The following ITGA11 variants were observed in gnomAD, a reference collection of about 807,000 sequenced individuals.
ITGA11 encodes the protein integrin alpha-11.
Under a neutral mutation model 141.9 loss-of-function variants are expected in ITGA11, and 97 were observed. The observed-to-expected ratio is 0.68, with a 90% CI of 0.58 to 0.81. The LOEUF (loss-of-function observed/expected upper bound fraction) is 0.81, where lower values mean the gene tolerates loss of function less well. Among genes scored for constraint, ITGA11 ranks in the 30% least tolerant of loss-of-function variants. The pLI is 0.00. For synonymous variants in ITGA11, 658 were observed against 624.6 expected (o/e 1.05, Z -0.80); for missense variants, 1,387 against 1,559.2 (o/e 0.89, Z 1.86).
rs1459159232 is a variant in ITGA11, at chr15:68,328,142, G to A, written c.2022C>T (p.Cys674=). 1.9e-6 allele frequency: 3 copies of A among 1,613,936 alleles called. No individual in the cohort carries two copies. Among genetic ancestry groups the A allele is most frequent in the Non-Finnish European group, 1.7e-6 (2 of 1,179,896 alleles). The change falls in exon 16 of 30, where the codon TGC becomes TGT. Residue 674 remains cysteine (C), a synonymous_variant. Transcript: ENST00000315757. This position sits in a 1 kb window ranked among gnomAD's most constrained non-coding sequence, Gnocchi z 4.8. ...GGGGTGCCAGGAAGATGGGCGTGAA[G>A]CAGAGGAAGGCGGCCAGGCAGGTGG... The part of the protein sequence containing the change: ...RDATCLAAFL[C]FTPIFLAPHF...
At chr15:68,351,152 T>G in intron 8 of ITGA11, 106 bp downstream of exon 8, 1 of 1,258,998 alleles carries the variant, frequency 7.9e-7, no homozygotes, top group Non-Finnish European at 1.1e-6. Flanking sequence ...TTTGAGGGCC[T>G]GGACACTTGT....
At chr15:68,337,979 C>T (rs1006834238) in intron 11 of ITGA11, among the ~76,000 whole-genome samples, 5 of 152,138 alleles carry the variant, frequency 3.3e-5, no homozygotes, top group African/African-American at 9.7e-5. Flanking sequence ...CAGTAGGTCC[C>T]GAGTGTACCA....
At chr15:68,356,224 T>C (rs1297432591) in intron 7 of ITGA11, among the ~76,000 whole-genome samples, 1 of 152,076 alleles carries the variant, frequency 6.6e-6, no homozygotes, top group Non-Finnish European at 1.5e-5. Flanking sequence ...GCCTCCCAAG[T>C]AGCTGGGACT....
intron 7 of ITGA11, 95 bp from the exon 8 acceptor site, chr15:68,351,497 C>T (rs767974059): frequency 1.4e-6 from 2 of 1,412,010 alleles, no homozygotes; most frequent in Admixed American, 4.2e-5. Context: ...GAAACCAGGA[C>T]CAAGTCCTCC....
intron 26 of ITGA11, among the ~76,000 whole-genome samples, chr15:68,310,734 G>T (rs1378142754): frequency 6.6e-6 from 1 of 152,176 alleles, no homozygotes; most frequent in Non-Finnish European, 1.5e-5. Context: ...TCGTTTGCCT[G>T]GCACACCACA....
At chr15:68,423,231 C>A (rs923739448) in intron 1 of ITGA11, among the ~76,000 whole-genome samples, 2 of 152,092 alleles carry the variant, frequency 1.3e-5, no homozygotes, top group African/African-American at 2.4e-5. Flanking sequence ...GGGGAGATGT[C>A]CAGGCAACTG....
chr15:68,330,486 C>CTT (rs34407903), intron 15 of ITGA11, among the ~76,000 whole-genome samples: 137 of 140,998 alleles, frequency 9.7e-4, no homozygotes, highest in East Asian at 2.6e-3. Context: ...TACTCAAGGT[C>CTT]TTTTTTTTTT....
rs1333564732 is a variant in ITGA11 at position 68,305,011 on chromosome 15, CTTATG to C, written c.3382-1131_3382-1127del. Among the ~76,000 whole-genome samples, 35 of 152,332 alleles carry C rather than the reference CTTATG, an allele frequency of 2.3e-4. No individual in the cohort carries two copies. The highest frequency in any genetic ancestry group is 8.4e-4 in the African/African-American group (35 of 41,586). ...GGATCCTTCTAACGAGGAAGGCAGG[CTTATG>C]CTCTGCTCTGCTCTGCTCAAGCTCA... On this transcript the variant is annotated intron_variant, in intron 28 of 29. Coordinates refer to ENST00000315757, the MANE Select transcript of ITGA11 (RefSeq NM_001004439.2). This position sits in a 1 kb window ranked among gnomAD's most constrained non-coding sequence, Gnocchi z 4.6.
intron 28 of ITGA11, among the ~76,000 whole-genome samples, chr15:68,306,778 G>A (rs1166022269): frequency 3.3e-5 from 5 of 152,222 alleles, no homozygotes; most frequent in Admixed American, 6.5e-5. Flanking sequence ...AGCTTACTCC[G>A]CCTCTGTAAT....
At position 68,302,884 on chromosome 15, in the gene ITGA11, A is replaced by G. The variant is rs1893076449; in HGVS notation, c.*175T>C. 2 of 594,728 alleles carry G rather than the reference A, an allele frequency of 3.4e-6. No homozygotes were observed. Among genetic ancestry groups the G allele is most frequent in the Non-Finnish European group, 5.9e-6 (2 of 337,166 alleles). The allele number at this position is 594,728 out of a possible 1,614,324, so 36.8% of individuals were successfully genotyped here. ...CTCCCAGTAGGGCAGTTCCACTTAAAACCAGCTTGAGTTCCATTCTGGAGG... is the reference window on the plus strand; with the variant it reads ...CTCCCAGTAGGGCAGTTCCACTTAAGACCAGCTTGAGTTCCATTCTGGAGG... On this transcript the variant is annotated 3_prime_UTR_variant, in exon 30 of 30. Coordinates refer to ENST00000315757, the MANE Select transcript of ITGA11 (RefSeq NM_001004439.2).
At position 68,335,713 on chromosome 15, in the gene ITGA11, G is replaced by A; in HGVS notation, c.1409C>T (p.Ala470Val). The part of the protein sequence containing the change: ...HNNRSLTIHQ[A>V]MRGQQIGSYF... The stretch of plus-strand genomic sequence containing the variant: ...CTCCATTACCTGCTGGCCCCGCATA[G>A]CCTGGTGGATGGTGAGGCTCCGGTT... Residue 470 changes from alanine (A) to valine (V), a missense_variant, in exon 12 of 30, where the codon GCT becomes GTT. Physicochemically the swap from Ala to Val is moderately conservative, Grantham distance 64. Coordinates refer to ENST00000315757, the MANE Select transcript of ITGA11 (RefSeq NM_001004439.2). This position sits in a 1 kb window ranked among gnomAD's most constrained non-coding sequence, Gnocchi z 4.9. 1 of 1,613,834 alleles carries A rather than the reference G, an allele frequency of 6.2e-7. No individual in the cohort carries two copies. The highest frequency in any genetic ancestry group is 8.5e-7 in the Non-Finnish European group (1 of 1,179,808).
In ITGA11 at chr15:68,297,479, A is replaced by G. The variant is rs1892934625; in HGVS notation, c.*5580T>C. The G allele has an allele frequency of 8.1e-6, 1 of 123,660 alleles. No individual in the cohort carries two copies. The highest frequency in any genetic ancestry group is 9.0e-5 in the Admixed American group (1 of 11,076). 7.7% of individuals were successfully genotyped at this position (123,660 alleles called of 1,614,324 possible). On this transcript the variant is annotated 3_prime_UTR_variant, in exon 30 of 30. Transcript: ENST00000315757. ...ATCCAAAAGAAAGCTATGTCTGGTT[A>G]GGTAAATCATACACCTGTATCCAGA...
chr15:68,313,784 G>A lies in ITGA11; in HGVS notation c.2877C>T (p.Phe959=), dbSNP rs761671474. The A allele has an allele frequency of 1.9e-6, 3 of 1,613,588 alleles. No homozygotes were observed. ...FHLKYEADVL[F]TRSSSLSHYE... ...GCCCCCGGAGCCCGGCCCACCTGGT[G>A]AAGAGGACGTCAGCCTCGTATTTGA... Residue 959 remains phenylalanine, a synonymous_variant, in exon 23 of 30, where the codon TTC becomes TTT. Coordinates refer to ENST00000315757, the MANE Select transcript of ITGA11 (RefSeq NM_001004439.2).
In ITGA11 at chr15:68,331,891, A is replaced by G; in HGVS notation, c.1738T>C (p.Phe580Leu). ...GGTGTCTTCAGGATGCTGCCTCGGAAGCCGTGGAAGATGTAGATGGCTCCT... is the reference window on the plus strand; with the variant it reads ...GGTGTCTTCAGGATGCTGCCTCGGAGGCCGTGGAAGATGTAGATGGCTCCT... Reference protein sequence around the residue: ...HAGAIYIFHGFRGSILKTPKQ... With the variant: ...HAGAIYIFHGLRGSILKTPKQ... Residue 580 changes from phenylalanine (F) to leucine (L), a missense_variant, in exon 14 of 30, where the codon TTC becomes CTC. Coordinates refer to ENST00000315757, the MANE Select transcript of ITGA11 (RefSeq NM_001004439.2). 6.2e-7 allele frequency: 1 copy of G among 1,613,132 alleles called. No homozygotes were observed. The highest frequency in any genetic ancestry group is 8.5e-7 in the Non-Finnish European group (1 of 1,179,662).
intron 11 of ITGA11, among the ~76,000 whole-genome samples, chr15:68,337,955 C>T (rs1186983045): frequency 6.6e-6 from 1 of 152,070 alleles, no homozygotes; most frequent in Non-Finnish European, 1.5e-5. Context: ...CTGGTGTAGG[C>T]TCCAGCTCCT....
At position 68,331,970 on chromosome 15, in the gene ITGA11, GT is replaced by G; in HGVS notation, c.1658del (p.Asn553ThrfsTer33). Reference protein sequence around the residue: ...GSSIASVRDLNQDSYNDVVVG... With the variant: ...GSSIASVRDLXQDSYNDVVVG... ...CCACCACGTCATTGTAGGAATCCTG[GT>G]TGAGGTCTCGAACTGAGGCAATGGA... On this transcript the variant is annotated frameshift_variant, in exon 14 of 30. Transcript: ENST00000315757. LOFTEE classifies it high-confidence loss of function. 1 of 1,613,380 alleles carries G rather than the reference GT, an allele frequency of 6.2e-7. No homozygotes were observed. Among genetic ancestry groups the G allele is most frequent in the Non-Finnish European group, 8.5e-7 (1 of 1,179,706 alleles).
intron 1 of ITGA11, among the ~76,000 whole-genome samples, chr15:68,418,816 G>T (rs1463863438): frequency 2.0e-5 from 3 of 151,444 alleles, no homozygotes; most frequent in African/African-American, 7.3e-5. Flanking sequence ...TCCTAAGCTT[G>T]TCTCCTGCTT....
At chr15:68,359,983 A>C (rs1895190544) in intron 5 of ITGA11, among the ~76,000 whole-genome samples, 1 of 152,250 alleles carries the variant, frequency 6.6e-6, no homozygotes, top group Non-Finnish European at 1.5e-5. Context: ...AGTGCTGAGC[A>C]GACAGAGGAA....
At chr15:68,426,172 C>T (rs1408025435) in intron 1 of ITGA11, among the ~76,000 whole-genome samples, 2 of 152,192 alleles carry the variant, frequency 1.3e-5, no homozygotes, top group Non-Finnish European at 2.9e-5. Flanking sequence ...CCACCATTAG[C>T]CCTTTATTCC....
Sources: gnomAD v4.1 joint callset for allele counts (sites outside exome capture counted in the v4.1 genomes callset) on GRCh38, gnomAD v4.1.1 for gene constraint, Gnocchi (gnomAD v3.1) non-coding constraint, MANE v1.5 for transcripts, NCBI Gene and HGNC (gene_info 2026-07-23, HGNC 2026-07-21) for gene names.